The following HOXC4 variants were observed in gnomAD, a reference collection of about 807,000 sequenced individuals.
HOXC4 encodes the protein homeobox C4, also known as homeobox protein Hox-C4.
A neutral mutation model predicts 25.5 loss-of-function variants in HOXC4; 15 were observed. The ratio of observed to expected loss-of-function variants is 0.59; its 90% CI spans 0.39 to 0.91. The LOEUF (loss-of-function observed/expected upper bound fraction) is 0.91, where lower values mean the gene tolerates loss of function less well. Ranked by LOEUF, HOXC4 falls within the 40% of genes least tolerant of loss-of-function variation. HOXC4 has a pLI of 0.00. For synonymous variants in HOXC4, 165 were observed against 148.0 expected, an observed-to-expected ratio of 1.11 and a Z score of -0.83; for missense variants, 342 against 352.4, an observed-to-expected ratio of 0.97 and a Z score of 0.24.
chr12:54,049,550 T>TG (rs1470836284), upstream of HOXC4, among the ~76,000 whole-genome samples: 8 of 151,732 alleles, frequency 5.3e-5, 2 homozygotes, highest in African/African-American at 1.9e-4. Flanking sequence ...ATTGCTTTTT[T>TG]TTTTTGAGAC....
rs150564642 is a variant in HOXC4, at chr12:54,054,333, A to G, written c.411A>G (p.Pro137=). The G allele has an allele frequency of 1.0e-5, 16 of 1,551,484 alleles. No individual in the cohort carries two copies. In the African/African-American group the frequency reaches 1.3e-4, roughly 13 times the overall value. The part of the protein sequence containing the change: ...SAASKQPIVY[P]WMKKIHVSTV... ...CCAGCAAGCAACCCATAGTCTACCCATGGATGAAAAAAATTCACGTTAGCA... is the reference window on the plus strand; with the variant it reads ...CCAGCAAGCAACCCATAGTCTACCCGTGGATGAAAAAAATTCACGTTAGCA... Residue 137 remains proline, a synonymous_variant, in exon 1 of 2, where the codon CCA becomes CCG. Transcript: ENST00000430889.
chr12:54,025,532 GGGGGGGA>G (rs1940657110), intron 1 of HOXC4, among the ~76,000 whole-genome samples: 1 of 46,944 alleles, frequency 2.1e-5, no homozygotes, highest in African/African-American at 7.0e-5. Flanking sequence ...GTAATTGGGG[GGGGGGGA>G]GGTGTTGAAA....
At chr12:54,045,189 G>A (rs781758483) in intron 1 of HOXC4, among the ~76,000 whole-genome samples, 2 of 152,240 alleles carry the variant, frequency 1.3e-5, no homozygotes, top group Non-Finnish European at 2.9e-5. Flanking sequence ...TTCACAGAGA[G>A]CTGAGCGCTC....
intron 1 of HOXC4, among the ~76,000 whole-genome samples, chr12:54,024,864 C>T (rs144732089): frequency 4.5e-4 from 69 of 152,368 alleles, no homozygotes; most frequent in African/African-American, 1.6e-3. Flanking sequence ...GTAAATTTCT[C>T]TCCTATAATT....
At chr12:54,036,074 T>C (rs1941178806) in intron 1 of HOXC4, among the ~76,000 whole-genome samples, 1 of 152,138 alleles carries the variant, frequency 6.6e-6, no homozygotes, top group African/African-American at 2.4e-5. Flanking sequence ...TGCCATCATT[T>C]ATCTCAGTCT....
intron 1 of HOXC4, among the ~76,000 whole-genome samples, chr12:54,047,530 G>A (rs1224463625): frequency 6.6e-6 from 1 of 152,252 alleles, no homozygotes; most frequent in East Asian, 1.9e-4. Flanking sequence ...GGAGCCGAAA[G>A]ATTTAAACAG....
chr12:54,026,847 ATTG>A (rs1264142632), intron 1 of HOXC4, among the ~76,000 whole-genome samples: 2 of 151,946 alleles, frequency 1.3e-5, no homozygotes, highest in Non-Finnish European at 2.9e-5. Flanking sequence ...TTATGGCTTT[ATTG>A]CTACCCATTG....
At chr12:54,047,137 A>G (rs946928988) in intron 1 of HOXC4, among the ~76,000 whole-genome samples, 4 of 152,198 alleles carry the variant, frequency 2.6e-5, no homozygotes, top group Admixed American at 6.5e-5. Flanking sequence ...GCAAGCCTGG[A>G]GCCAGGCGTC....
rs1937904511 is a variant in HOXC4, at chr12:54,053,902, T to C, written c.-21T>C. ...AGAAAAACGACAAAGCGAGAAAAAT[T>C]ATTTTCCACTCCAGAAATTAATGAT... On this transcript the variant is annotated 5_prime_UTR_variant, in exon 1 of 2. Coordinates refer to ENST00000430889, the MANE Select transcript of HOXC4 (RefSeq NM_153633.3). The C allele has an allele frequency of 6.3e-7, 1 of 1,579,826 alleles. No individual in the cohort carries two copies. Among genetic ancestry groups the C allele is most frequent in the African/African-American group, 1.4e-5 (1 of 73,996 alleles).
At position 54,054,161 on chromosome 12, in the gene HOXC4, G is replaced by A. The variant is rs755761223; in HGVS notation, c.239G>A (p.Gly80Asp). ...CTCCAGGGGCCCGGCAATTCGCGAG[G>A]CCACGGGCCGGCCCAGGCGGGCCAC... ...TSLQGPGNSR[G>D]HGPAQAGHHH... Residue 80 changes from glycine (G) to aspartate (D), a missense_variant, in exon 1 of 2, where the codon GGC (glycine) becomes GAC (aspartate). Physicochemically the swap from Gly to Asp is moderately conservative, Grantham distance 94 (BLOSUM62 -1). Transcript: ENST00000430889. 8 of 1,613,662 alleles carry A rather than the reference G, an allele frequency of 5.0e-6. No homozygotes were observed. In the Admixed American group the frequency reaches 8.3e-5, roughly 17 times the overall value.
intron 1 of HOXC4, among the ~76,000 whole-genome samples, chr12:54,044,731 G>T (rs1937660377): frequency 6.6e-6 from 1 of 151,970 alleles, no homozygotes; most frequent in Non-Finnish European, 1.5e-5. Context: ...GTGTTTGTGT[G>T]TGTGTGTGTG....
intron 1 of HOXC4, among the ~76,000 whole-genome samples, chr12:54,044,218 C>G (rs1243519892): frequency 6.6e-6 from 1 of 152,106 alleles, no homozygotes; most frequent in Non-Finnish European, 1.5e-5. Context: ...CTTCCCCAAG[C>G]CCACCTGAGG....
chr12:54,054,427 G>T (rs921671025), intron 1 of HOXC4, 66 bp downstream of exon 1: 4 of 917,240 alleles, frequency 4.4e-6, no homozygotes, highest in Non-Finnish European at 4.5e-6. Context: ...CACCCTCCTC[G>T]GCCCCCTCTG....
chr12:54,026,457 T>C (rs892559201), intron 1 of HOXC4, among the ~76,000 whole-genome samples: 1 of 152,230 alleles, frequency 6.6e-6, no homozygotes, highest in Non-Finnish European at 1.5e-5. Flanking sequence ...AGATAACTCA[T>C]CTAAAATTTT....
upstream of HOXC4, chr12:54,053,413 C>T (rs1937892317): frequency 6.7e-6 from 1 of 150,080 alleles, no homozygotes; most frequent in Non-Finnish European, 1.5e-5. Flanking sequence ...ACTTCCTCTT[C>T]CTGCGAAAGA....
At chr12:54,043,247 A>G (rs530083285) in intron 1 of HOXC4, among the ~76,000 whole-genome samples, 213 of 152,324 alleles carry the variant, frequency 1.4e-3, no homozygotes, top group African/African-American at 4.9e-3. Context: ...GCATCTGTAC[A>G]CATGTACAGA....
In HOXC4 at chr12:54,044,338, T is replaced by C. The variant is rs141603757; in HGVS notation, c.-123-8822T>C. Among the ~76,000 whole-genome samples the C allele has an allele frequency of 8.4e-3, 1,273 of 150,840 alleles. 19 individuals carry two copies. Among genetic ancestry groups the C allele is most frequent in the African/African-American group, 0.03 (1,225 of 40,520 alleles). Reference sequence around the variant, plus strand: ...TCTTTTTTAAAAGGCTAATTGGTGATTTTTTTTTCCCTCAAAGTTTTCCCC... The same window carrying C: ...TCTTTTTTAAAAGGCTAATTGGTGACTTTTTTTTCCCTCAAAGTTTTCCCC... On this transcript the variant is annotated intron_variant, in intron 1 of 3. Coordinates refer to the HOXC4 transcript ENST00000303406.
rs760977844 is a variant in HOXC4, at chr12:54,054,991, G to A, written c.581G>A (p.Cys194Tyr). Residue 194 changes from cysteine (C) to tyrosine (Y), a missense_variant, in exon 2 of 2, where the codon TGC becomes TAC. By Grantham distance (194) the Cys-to-Tyr change is radical (BLOSUM62 -2). Transcript: ENST00000430889. ...AGGATCGAGATCGCCCACTCGCTGT[G>A]CCTCTCTGAGAGGCAGATCAAAATC... ...RRRIEIAHSL[C>Y]LSERQIKIWF... 1 of 1,614,078 alleles carries A rather than the reference G, an allele frequency of 6.2e-7. No homozygotes were observed.
upstream of HOXC4, among the ~76,000 whole-genome samples, chr12:54,049,769 C>T (rs1315197400): frequency 6.6e-6 from 1 of 150,444 alleles, no homozygotes; most frequent in Non-Finnish European, 1.5e-5. Flanking sequence ...CACACACACA[C>T]ACACACACAC....
Sources: gnomAD v4.1 joint callset for allele counts (sites outside exome capture counted in the v4.1 genomes callset) on GRCh38, gnomAD v4.1.1 for gene constraint, MANE v1.5 for transcripts, NCBI Gene and HGNC (gene_info 2026-07-23, HGNC 2026-07-21) for gene names.